SPAG16: variants seen among roughly 807,000 people sequenced by gnomAD.
The protein encoded by SPAG16 is sperm associated antigen 16.
In SPAG16, 86 loss-of-function variants were observed where a neutral mutation model predicts 80.4. The ratio of observed to expected loss-of-function variants is 1.07; its 90% CI spans 0.90 to 1.28. SPAG16 has a LOEUF of 1.28. Ranked by LOEUF, SPAG16 falls within the 50% of genes most tolerant of loss-of-function variation. The pLI, the probability that SPAG16 is intolerant of heterozygous loss-of-function variation, is 0.00. For synonymous variants in SPAG16, 294 were observed against 265.9 expected, an observed-to-expected ratio of 1.11 and a Z score of -1.03; for missense variants, 870 against 765.3, an observed-to-expected ratio of 1.14 and a Z score of -1.61.
intron 10 of SPAG16, among the ~76,000 whole-genome samples, chr2:213,846,575 A>T (rs1382167927): frequency 6.6e-6 from 1 of 152,042 alleles, no homozygotes; most frequent in African/African-American, 2.4e-5. Flanking sequence ...ACAAAATAAT[A>T]TAATTATAAA....
chr2:213,968,174 T>A (rs201422459), intron 12 of SPAG16, among the ~76,000 whole-genome samples: 3 of 114,970 alleles, frequency 2.6e-5, no homozygotes, highest in South Asian at 3.5e-4. Flanking sequence ...TTCTCATCTC[T>A]TTTCTTTTCT....
intron 13 of SPAG16, among the ~76,000 whole-genome samples, chr2:214,056,279 A>G (rs930251362): frequency 1.0e-5 from 1 of 99,446 alleles, no homozygotes; most frequent in African/African-American, 4.1e-5. Flanking sequence ...TGTAGTAGAA[A>G]TACACACACA....
chr2:213,491,462 A>G (rs370618744), intron 10 of SPAG16, among the ~76,000 whole-genome samples: 38 of 152,356 alleles, frequency 2.5e-4, no homozygotes, highest in Middle Eastern at 3.4e-3. Flanking sequence ...TTTCATCACC[A>G]TAACTAATGT....
At chr2:213,601,189 A>G (rs917268580) in intron 10 of SPAG16, among the ~76,000 whole-genome samples, 2 of 152,208 alleles carry the variant, frequency 1.3e-5, no homozygotes, top group African/African-American at 4.8e-5. Context: ...TTCCTGTCAT[A>G]TGAGTTCAGT....
At chr2:213,769,511 G>C (rs1057310425) in intron 10 of SPAG16, among the ~76,000 whole-genome samples, 1 of 152,128 alleles carries the variant, frequency 6.6e-6, no homozygotes, top group Non-Finnish European at 1.5e-5. Flanking sequence ...GCTGTGGCAC[G>C]TGCTTCTCAG....
At chr2:213,532,959 A>G (rs1057018009) in intron 10 of SPAG16, among the ~76,000 whole-genome samples, 2 of 152,180 alleles carry the variant, frequency 1.3e-5, no homozygotes, top group African/African-American at 4.8e-5. Flanking sequence ...ATGTGTTCAT[A>G]TTTTATAGTA....
At chr2:213,343,475 G>A (rs1375097954) in intron 6 of SPAG16, among the ~76,000 whole-genome samples, 2 of 152,198 alleles carry the variant, frequency 1.3e-5, no homozygotes, top group South Asian at 2.1e-4. Context: ...AAGTTTATAC[G>A]TATTGATTTA....
At chr2:213,478,990 G>A (rs1362154697) in intron 9 of SPAG16, among the ~76,000 whole-genome samples, 1 of 151,248 alleles carries the variant, frequency 6.6e-6, no homozygotes, top group Non-Finnish European at 1.5e-5. Flanking sequence ...ATTTCTCAGG[G>A]TTAAATAATT....
intron 8 of SPAG16, among the ~76,000 whole-genome samples, chr2:213,371,192 A>T (rs1279392569): frequency 6.6e-6 from 1 of 152,054 alleles, no homozygotes; most frequent in Non-Finnish European, 1.5e-5. Context: ...GCGGATCACG[A>T]GGTCAGGAAA....
chr2:213,550,777 A>G lies in SPAG16; in HGVS notation c.1070+60687A>G, dbSNP rs572370493. 7.2e-5 allele frequency among the ~76,000 whole-genome samples: 11 copies of G among 152,266 alleles called. No individual in the cohort carries two copies. In the East Asian group the frequency reaches 2.1e-3, roughly 29 times the overall value. Reference sequence around the variant, plus strand: ...GGAATAAAAAATAGTAAAGCTAAAAATGATCACCTTTATATCATTGCTGAC... The same window carrying G: ...GGAATAAAAAATAGTAAAGCTAAAAGTGATCACCTTTATATCATTGCTGAC... On this transcript the variant is annotated intron_variant, in intron 10 of 15. Transcript: ENST00000331683.
chr2:213,971,025 A>G (rs562417360), intron 12 of SPAG16, among the ~76,000 whole-genome samples: 1 of 152,168 alleles, frequency 6.6e-6, no homozygotes, highest in Non-Finnish European at 1.5e-5. Context: ...ACAAATTGGC[A>G]TCTGTTTTAT....
chr2:213,925,011 C>G (rs1057000890), intron 11 of SPAG16, among the ~76,000 whole-genome samples: 1 of 151,952 alleles, frequency 6.6e-6, no homozygotes, highest in African/African-American at 2.4e-5. Flanking sequence ...TGCTCTATTA[C>G]TATTCTTATA....
chr2:214,018,531 G>A (rs1363038561), intron 13 of SPAG16, among the ~76,000 whole-genome samples: 1 of 152,080 alleles, frequency 6.6e-6, no homozygotes, highest in African/African-American at 2.4e-5. Flanking sequence ...TGATATGGAT[G>A]ACATTATTTG....
chr2:214,081,026 G>T (rs1026475248), intron 13 of SPAG16, among the ~76,000 whole-genome samples: 17 of 151,844 alleles, frequency 1.1e-4, no homozygotes, highest in Admixed American at 6.6e-4. Flanking sequence ...TAGTATCTCA[G>T]ATGCTTTCAC....
intron 11 of SPAG16, among the ~76,000 whole-genome samples, chr2:213,891,094 A>G (rs2076768816): frequency 6.6e-6 from 1 of 152,086 alleles, no homozygotes; most frequent in South Asian, 2.1e-4. Context: ...ACTTTATTAA[A>G]CATCATTTTA....
At chr2:213,664,170 G>T (rs185237122) in intron 10 of SPAG16, among the ~76,000 whole-genome samples, 2 of 152,058 alleles carry the variant, frequency 1.3e-5, no homozygotes, top group Admixed American at 1.3e-4. Context: ...AGGCTTCTCT[G>T]TCACTGACCC....
intron 9 of SPAG16, among the ~76,000 whole-genome samples, chr2:213,445,229 G>A (rs762262586): frequency 1.7e-4 from 26 of 152,090 alleles, no homozygotes; most frequent in African/African-American, 2.7e-4. Flanking sequence ...CCTACAGAAC[G>A]GAAGAAAATA....
At chr2:214,335,383 T>A (rs1043910707) in intron 15 of SPAG16, among the ~76,000 whole-genome samples, 3 of 152,114 alleles carry the variant, frequency 2.0e-5, no homozygotes, top group African/African-American at 7.2e-5. Flanking sequence ...GTGAAGGAAC[T>A]GCCTAGGTGA....
At chr2:213,299,887 G>A (rs72935166) in intron 3 of SPAG16, among the ~76,000 whole-genome samples, 4 of 151,912 alleles carry the variant, frequency 2.6e-5, no homozygotes, top group Non-Finnish European at 4.4e-5. Flanking sequence ...ATATATGTTC[G>A]TTAGATTGTG....
Sources: allele counts gnomAD v4.1 joint callset (sites outside exome capture counted in the v4.1 genomes callset), GRCh38; gene constraint gnomAD v4.1.1; transcripts MANE v1.5; gene names NCBI Gene and HGNC (gene_info 2026-07-23, HGNC 2026-07-21).